BAZ2B: variants seen among roughly 807,000 people sequenced by gnomAD.
The protein encoded by BAZ2B is bromodomain adjacent to zinc finger domain 2B.
Under a neutral mutation model 246.0 loss-of-function variants are expected in BAZ2B, and 91 were observed. The ratio of observed to expected loss-of-function variants is 0.37; its 90% confidence interval spans 0.31 to 0.44. The LOEUF is 0.44. Among genes scored for constraint, BAZ2B ranks in the 20% least tolerant of loss-of-function variants. BAZ2B has a pLI of 1.00. For missense variants in BAZ2B, 2,332 were observed against 2,533.7 expected, an observed-to-expected ratio of 0.92 and a Z score of 1.71; for synonymous variants, 855 against 860.0, an observed-to-expected ratio of 0.99 and a Z score of 0.10.
At chr2:159,620,095 C>T (rs533002314), upstream of BAZ2B, among the ~76,000 whole-genome samples, 2 of 152,086 alleles carry the variant, frequency 1.3e-5, no homozygotes, top group East Asian at 1.9e-4. Flanking sequence ...TCTGTTTTTA[C>T]GACAAAGACA....
chr2:159,591,105 T>C (rs1689296458), intron 1 of BAZ2B, among the ~76,000 whole-genome samples: 2 of 152,150 alleles, frequency 1.3e-5, no homozygotes, highest in African/African-American at 2.4e-5. Context: ...TCAAATCTCA[T>C]TGCCTAAAAC....
At chr2:159,686,087 A>T in the BAZ2B span, among the ~76,000 whole-genome samples, 1 of 152,220 alleles carries the variant, frequency 6.6e-6, no homozygotes, top group African/African-American at 2.4e-5. Context: ...CATAGCCAAG[A>T]CCTTGTCTCT....
At chr2:159,331,313 G>A (rs368846580) in intron 34 of BAZ2B, among the ~76,000 whole-genome samples, 2 of 152,292 alleles carry the variant, frequency 1.3e-5, no homozygotes, top group Admixed American at 6.5e-5. Flanking sequence ...GAAGATGGAG[G>A]AGGCAGAGCT....
intron 27 of BAZ2B, among the ~76,000 whole-genome samples, chr2:159,368,247 C>T (rs1337804748): frequency 1.3e-5 from 2 of 152,152 alleles, no homozygotes; most frequent in Non-Finnish European, 2.9e-5. Context: ...GAGACAAGGT[C>T]TTGCTACGTT....
At position 159,395,774 on chromosome 2, in the gene BAZ2B, CT is replaced by C; in HGVS notation, c.3069del (p.Ala1024GlnfsTer7). On this transcript the variant is annotated frameshift_variant, in exon 20 of 37. Coordinates refer to ENST00000392783, the MANE Select transcript of BAZ2B (RefSeq NM_013450.4). LOFTEE classifies it high-confidence loss of function. ...MLMKAMEARK[K>X]AEEKERLKQE... ...TTCTAGAAACATACACTTACTTCTG[CT>C]TTTTTACGAGCTTCCATAGCTTTCA... 1.2e-6 allele frequency: 2 copies of C among 1,609,020 alleles called. No homozygotes were observed. Among genetic ancestry groups the C allele is most frequent in the Admixed American group, 1.7e-5 (1 of 59,626 alleles).
At chr2:159,326,794 A>G (rs1023544881) in intron 34 of BAZ2B, among the ~76,000 whole-genome samples, 5 of 152,234 alleles carry the variant, frequency 3.3e-5, no homozygotes, top group African/African-American at 4.8e-5. Flanking sequence ...ACACTGATGC[A>G]ACAAGAAGGG....
chr2:159,563,113 A>T (rs533779791), intron 1 of BAZ2B, among the ~76,000 whole-genome samples: 1 of 152,342 alleles, frequency 6.6e-6, no homozygotes, highest in South Asian at 2.1e-4. Flanking sequence ...CATTACTAAT[A>T]AATACAAAGT....
At chr2:159,674,816 A>G in the BAZ2B span, among the ~76,000 whole-genome samples, 2 of 152,172 alleles carry the variant, frequency 1.3e-5, no homozygotes, top group African/African-American at 4.8e-5. Context: ...CATATAGAAC[A>G]AGGAAAATAA....
rs1428540262 is a variant in BAZ2B at position 159,405,156 on chromosome 2, T to C, written c.2678-42A>G. Reference sequence around the variant, plus strand: ...TTCAAAGAATATTAACAACTTTGTGTAACTACTAACCAAAAACAATAACTG... The same window carrying C: ...TTCAAAGAATATTAACAACTTTGTGCAACTACTAACCAAAAACAATAACTG... On this transcript the variant is annotated intron_variant, in intron 14 of 36. Transcript: ENST00000392783. 8 of 1,505,616 alleles carry C rather than the reference T, an allele frequency of 5.3e-6. No homozygotes were observed. In the South Asian group the frequency reaches 9.0e-5, roughly 17 times the overall value. 93.3% of individuals were successfully genotyped at this position (1,505,616 alleles called of 1,614,324 possible).
chr2:159,337,097 A>T lies in BAZ2B; in HGVS notation c.5661-20T>A, dbSNP rs1388872960. 1 of 1,602,296 alleles carries T rather than the reference A, an allele frequency of 6.2e-7. No individual in the cohort carries two copies. Among genetic ancestry groups the T allele is most frequent in the Non-Finnish European group, 8.5e-7 (1 of 1,175,394 alleles). On this transcript the variant is annotated intron_variant, in intron 32 of 36. Transcript: ENST00000392783. The stretch of plus-strand genomic sequence containing the variant: ...TCAATTCTGCATTGAAATATAGAAA[A>T]ATTAAGTAGGTCATGTCCACACTTA...
At chr2:159,614,826 A>C (rs1334634305) in intron 1 of BAZ2B, among the ~76,000 whole-genome samples, 2 of 152,162 alleles carry the variant, frequency 1.3e-5, no homozygotes, top group Non-Finnish European at 2.9e-5. Context: ...ACAGGAGAAA[A>C]ATTAAGCAAA....
chr2:159,562,469 A>C (rs1215538048), intron 1 of BAZ2B, among the ~76,000 whole-genome samples: 1 of 152,162 alleles, frequency 6.6e-6, no homozygotes, highest in Admixed American at 6.6e-5. Flanking sequence ...ATCTTTACTC[A>C]TTCCCTCTTA....
At chr2:159,534,096 G>T (rs1391700172) in intron 2 of BAZ2B, among the ~76,000 whole-genome samples, 1 of 152,102 alleles carries the variant, frequency 6.6e-6, no homozygotes, top group East Asian at 1.9e-4. Context: ...TAAAAACCTT[G>T]TATCTATTCC....
chr2:159,321,812 G>A (rs2062749853), intron 36 of BAZ2B: 1 of 152,054 alleles, frequency 6.6e-6, no homozygotes, highest in African/African-American at 2.4e-5. Context: ...TAGAAGGAAT[G>A]AATAAGACCT....
chr2:159,539,799 A>G (rs778367396), intron 2 of BAZ2B, among the ~76,000 whole-genome samples: 9 of 152,120 alleles, frequency 5.9e-5, no homozygotes, highest in Non-Finnish European at 1.2e-4. Context: ...TTTTTAAATG[A>G]TATCTGCCTA....
the BAZ2B span, among the ~76,000 whole-genome samples, chr2:159,622,598 A>C: frequency 2.0e-5 from 3 of 152,246 alleles, no homozygotes; most frequent in Non-Finnish European, 2.9e-5. Flanking sequence ...GTAAAGAAAT[A>C]TTTGCAACTT....
chr2:159,350,381 A>G (rs1482944493), intron 27 of BAZ2B, 24 bp from the exon 28 acceptor site: 1 of 1,470,980 alleles, frequency 6.8e-7, no homozygotes, highest in South Asian at 1.4e-5. Context: ...AAGCATTATG[A>G]ACATCAGTTA....
At chr2:159,529,123 AT>A (rs1032497273) in intron 2 of BAZ2B, among the ~76,000 whole-genome samples, 14 of 152,172 alleles carry the variant, frequency 9.2e-5, no homozygotes, top group African/African-American at 3.4e-4. Context: ...AAGTAAAAAA[AT>A]AAAAATATAC....
At chr2:159,412,140 A>G in intron 14 of BAZ2B, 195 bp downstream of exon 14, 1 of 344,568 alleles carries the variant, frequency 2.9e-6, no homozygotes, top group Non-Finnish European at 4.1e-6. Flanking sequence ...GTTTATGAGT[A>G]ATGGTTCTTG....
Sources: gnomAD v4.1 joint callset for allele counts (sites outside exome capture counted in the v4.1 genomes callset) on GRCh38, gnomAD v4.1.1 for gene constraint, MANE v1.5 for transcripts, NCBI Gene and HGNC (gene_info 2026-07-23, HGNC 2026-07-21) for gene names.